HDAC9: variants seen among roughly 807,000 people sequenced by gnomAD.
HDAC9 encodes MEF-2 interacting transcription repressor (MITR) protein.
Under a neutral mutation model 139.4 loss-of-function variants are expected in HDAC9, and 41 were observed. That is an observed-to-expected ratio of 0.29 (90% CI 0.23 to 0.38). The LOEUF (loss-of-function observed/expected upper bound fraction) is 0.38, where lower values mean the gene tolerates loss of function less well. Among genes scored for constraint, HDAC9 ranks in the 10% least tolerant of loss-of-function variants. The probability of loss-of-function intolerance (pLI) is 1.00; values close to 1 mark genes in which losing one functional copy is unlikely to be tolerated. For synonymous variants in HDAC9, 517 were observed against 476.2 expected, an observed-to-expected ratio of 1.09 and a Z score of -1.12; for missense variants, 1,147 against 1,297.0, an observed-to-expected ratio of 0.88 and a Z score of 1.78.
At chr7:18,976,880 A>G (rs947331511) in intron 25 of HDAC9, among the ~76,000 whole-genome samples, 2 of 152,190 alleles carry the variant, frequency 1.3e-5, no homozygotes, top group Non-Finnish European at 2.9e-5. Context: ...TCCCTCCGTC[A>G]ATAACATCAC....
chr7:18,210,281 T>C (rs777161271), intron 2 of HDAC9, among the ~76,000 whole-genome samples: 10 of 152,202 alleles, frequency 6.6e-5, no homozygotes, highest in Non-Finnish European at 1.3e-4. Flanking sequence ...ACTTTGAATT[T>C]ATAATTAGAT....
intron 22 of HDAC9, among the ~76,000 whole-genome samples, chr7:18,908,367 A>C (rs1292639884): frequency 6.6e-6 from 1 of 152,086 alleles, no homozygotes; most frequent in Non-Finnish European, 1.5e-5. Context: ...CCATCACCTC[A>C]AGCGCTTATC....
chr7:18,159,302 C>T (rs17345892), intron 1 of HDAC9, among the ~76,000 whole-genome samples: 6,798 of 152,104 alleles, frequency 0.045, 176 homozygotes, highest in Non-Finnish European at 0.058. Context: ...AGGCGAGTTT[C>T]CTATTATTTC....
intron 2 of HDAC9, among the ~76,000 whole-genome samples, chr7:18,178,350 G>C (rs112259648): frequency 2.8e-4 from 43 of 152,348 alleles, no homozygotes; most frequent in African/African-American, 1.0e-3. Context: ...CTCCCAAAGT[G>C]CTGGGATGAC....
At chr7:18,974,587 G>T (rs1345009935) in intron 24 of HDAC9, among the ~76,000 whole-genome samples, 1 of 152,142 alleles carries the variant, frequency 6.6e-6, no homozygotes, top group Non-Finnish European at 1.5e-5. Flanking sequence ...TCAGACTTTG[G>T]TCAGAATAAG....
At chr7:18,295,236 T>C (rs1368725234) in intron 1 of HDAC9, among the ~76,000 whole-genome samples, 3 of 151,962 alleles carry the variant, frequency 2.0e-5, no homozygotes, top group African/African-American at 7.3e-5. Context: ...GGTGGATAAG[T>C]CATGGTCAGA....
chr7:18,901,219 TATACAC>T (rs898010893), intron 22 of HDAC9, among the ~76,000 whole-genome samples: 39 of 130,880 alleles, frequency 3.0e-4, no homozygotes, highest in South Asian at 9.2e-4. Flanking sequence ...TATATATATA[TATACAC>T]ACACACACAC....
intron 12 of HDAC9, among the ~76,000 whole-genome samples, chr7:18,708,259 G>T (rs934217962): frequency 9.9e-5 from 15 of 152,080 alleles, no homozygotes; most frequent in Non-Finnish European, 1.5e-5. Flanking sequence ...AATGGAGAAT[G>T]ATGGAGATTT....
intron 2 of HDAC9, among the ~76,000 whole-genome samples, chr7:18,566,809 T>C (rs940107494): frequency 6.6e-6 from 1 of 152,180 alleles, no homozygotes; most frequent in Non-Finnish European, 1.5e-5. Flanking sequence ...CTTGTGAGAA[T>C]CAAGCAAGAT....
chr7:18,733,378 T>C (rs1786575058), intron 13 of HDAC9, among the ~76,000 whole-genome samples: 1 of 150,324 alleles, frequency 6.7e-6, no homozygotes, highest in South Asian at 2.1e-4. Flanking sequence ...CCTTCTAGAG[T>C]AGCTTCTGTT....
chr7:18,434,113 C>G (rs116100930), intron 1 of HDAC9, among the ~76,000 whole-genome samples: 1 of 152,150 alleles, frequency 6.6e-6, no homozygotes, highest in South Asian at 2.1e-4. Flanking sequence ...TAAAGCTACA[C>G]ACCTACAACC....
At chr7:18,808,623 A>G (rs1793924911) in intron 17 of HDAC9, among the ~76,000 whole-genome samples, 1 of 152,140 alleles carries the variant, frequency 6.6e-6, no homozygotes, top group Admixed American at 6.5e-5. Context: ...TGAAAACTAT[A>G]AAACATTGAT....
intron 8 of HDAC9, among the ~76,000 whole-genome samples, chr7:18,642,564 A>G (rs955202850): frequency 2.0e-5 from 3 of 152,074 alleles, no homozygotes; most frequent in African/African-American, 7.2e-5. Flanking sequence ...TGTGAAGAAT[A>G]GGTTAGCCTC....
rs549256226 is a variant in HDAC9 at position 18,951,926 on chromosome 7, A to C, written c.2938-2220A>C. Among the ~76,000 whole-genome samples, 194 of 152,002 alleles carry C rather than the reference A, an allele frequency of 1.3e-3. 1 individual carries two copies. Among genetic ancestry groups the C allele is most frequent in the Middle Eastern group, 3.4e-3 (1 of 294 alleles). On this transcript the variant is annotated intron_variant, in intron 23 of 25. Transcript: ENST00000686413. Reference sequence around the variant, plus strand: ...CGCCATACAAGATTTTAATTTTATAAAAACAGACTCTAAATGCCACTTGCC... The same window carrying C: ...CGCCATACAAGATTTTAATTTTATACAAACAGACTCTAAATGCCACTTGCC...
In HDAC9 at chr7:18,293,994, C is replaced by G. The variant is rs576129536; in HGVS notation, c.-42+3479C>G. Among the ~76,000 whole-genome samples, 5 of 152,128 alleles carry G rather than the reference C, an allele frequency of 3.3e-5. No individual in the cohort carries two copies. In the South Asian group the frequency reaches 1.0e-3, roughly 31 times the overall value. ...TTTAATAATAAAATGTATTAAAAGT[C>G]TTGAATAGATAAAGCATTGTTTTCC... On this transcript the variant is annotated intron_variant, in intron 1 of 3. Coordinates refer to the HDAC9 transcript ENST00000413509.
chr7:18,603,407 C>G (rs1343048223), intron 6 of HDAC9, among the ~76,000 whole-genome samples: 1 of 151,952 alleles, frequency 6.6e-6, no homozygotes, highest in Admixed American at 6.6e-5. Flanking sequence ...CTATTCAGAA[C>G]TTTATATAAT....
At chr7:18,158,969 A>G (rs1200704854) in intron 1 of HDAC9, among the ~76,000 whole-genome samples, 1 of 152,220 alleles carries the variant, frequency 6.6e-6, no homozygotes, top group Non-Finnish European at 1.5e-5. Context: ...GTAGTCAGAG[A>G]TGATCTTTTT....
intron 2 of HDAC9, among the ~76,000 whole-genome samples, chr7:18,515,602 G>A (rs1802927048): frequency 6.6e-6 from 1 of 152,162 alleles, no homozygotes; most frequent in Non-Finnish European, 1.5e-5. Flanking sequence ...TTGTCAGTGA[G>A]ATCAAAGAGC....
chr7:18,358,635 G>A (rs1329484789), intron 1 of HDAC9, among the ~76,000 whole-genome samples: 5 of 152,200 alleles, frequency 3.3e-5, no homozygotes, highest in Non-Finnish European at 7.3e-5. Context: ...CATATCCTTT[G>A]ATATCATTGT....
Sources: gnomAD v4.1 joint callset for allele counts (sites outside exome capture counted in the v4.1 genomes callset) on GRCh38, gnomAD v4.1.1 for gene constraint, MANE v1.5 for transcripts, NCBI Gene and HGNC (gene_info 2026-07-23, HGNC 2026-07-21) for gene names.